PTPRK: variants seen among roughly 807,000 people sequenced by gnomAD.
PTPRK encodes the protein receptor-type tyrosine-protein phosphatase kappa.
In PTPRK, 75 loss-of-function variants were observed where a neutral mutation model predicts 178.0. The observed-to-expected ratio is 0.42, with a 90% CI of 0.35 to 0.51. PTPRK has a LOEUF of 0.51. Among genes scored for constraint, PTPRK ranks in the 20% least tolerant of loss-of-function variants. PTPRK has a pLI of 0.02. For missense variants in PTPRK, 1,441 were observed against 1,797.8 expected (o/e 0.80, Z 3.59); for synonymous variants, 637 against 620.6 (o/e 1.03, Z -0.39).
At chr6:127,976,853 G>C (rs748786714) in intron 26 of PTPRK, 70 bp downstream of exon 26, 2 of 1,609,590 alleles carry the variant, frequency 1.2e-6, no homozygotes, top group Non-Finnish European at 1.7e-6. Context: ...GTATAAAGCA[G>C]ATTTTAGCAA....
intron 1 of PTPRK, among the ~76,000 whole-genome samples, chr6:128,405,028 C>A (rs1428459075): frequency 6.6e-6 from 1 of 152,146 alleles, no homozygotes; most frequent in Non-Finnish European, 1.5e-5. Flanking sequence ...ATGCTGCATC[C>A]TATGAGAATA....
At chr6:128,076,256 T>G (rs1582877087) in intron 11 of PTPRK, among the ~76,000 whole-genome samples, 1 of 152,126 alleles carries the variant, frequency 6.6e-6, no homozygotes, top group East Asian at 1.9e-4. Flanking sequence ...ATTAAGGCAC[T>G]GGATCAGATA....
intron 3 of PTPRK, among the ~76,000 whole-genome samples, chr6:128,295,843 G>C (rs754888316): frequency 1.4e-4 from 21 of 152,042 alleles, no homozygotes; most frequent in Non-Finnish European, 1.6e-4. Flanking sequence ...ACACCATAAA[G>C]TCACATAGCA....
At position 128,105,917 on chromosome 6, in the gene PTPRK, G is replaced by C. The variant is rs143856374; in HGVS notation, c.1163-15925C>G. On this transcript the variant is annotated intron_variant, in intron 7 of 29. Transcript: ENST00000368226. ...CTTTTAATTTTACCACTCCGATTATGATAATAGCCTAGAACAAGTTTCACA... is the reference window on the plus strand; with the variant it reads ...CTTTTAATTTTACCACTCCGATTATCATAATAGCCTAGAACAAGTTTCACA... Among the ~76,000 whole-genome samples, 24 of 152,260 alleles carry C rather than the reference G, an allele frequency of 1.6e-4. No homozygotes were observed. In the East Asian group the frequency reaches 3.3e-3, roughly 21 times the overall value.
At chr6:128,185,806 A>T (rs1395050360) in intron 6 of PTPRK, among the ~76,000 whole-genome samples, 1 of 152,132 alleles carries the variant, frequency 6.6e-6, no homozygotes, top group Non-Finnish European at 1.5e-5. Flanking sequence ...TGAGCACATA[A>T]TCAATATCTT....
intron 7 of PTPRK, among the ~76,000 whole-genome samples, chr6:128,103,093 A>G (rs1487776036): frequency 6.6e-6 from 1 of 151,012 alleles, no homozygotes; most frequent in Non-Finnish European, 1.5e-5. Context: ...GCAGATGAGC[A>G]GAAGAACAGA....
intron 7 of PTPRK, among the ~76,000 whole-genome samples, chr6:128,153,098 T>G (rs1797504347): frequency 6.6e-6 from 1 of 151,996 alleles, no homozygotes; most frequent in Non-Finnish European, 1.5e-5. Context: ...TGCCTTCAAG[T>G]TGAACAAAAA....
intron 3 of PTPRK, among the ~76,000 whole-genome samples, chr6:128,279,648 T>C (rs1821362175): frequency 6.6e-6 from 1 of 152,170 alleles, no homozygotes; most frequent in South Asian, 2.1e-4. Flanking sequence ...TTTTGAAGCA[T>C]TATTTCAGAA....
chr6:128,363,507 A>G (rs1835054567), intron 2 of PTPRK, among the ~76,000 whole-genome samples: 1 of 152,192 alleles, frequency 6.6e-6, no homozygotes, highest in African/African-American at 2.4e-5. Context: ...TCAAAATCAA[A>G]GAGTTGGTCA....
At chr6:128,259,934 A>C (rs1817926662) in intron 3 of PTPRK, among the ~76,000 whole-genome samples, 1 of 152,200 alleles carries the variant, frequency 6.6e-6, no homozygotes, top group Non-Finnish European at 1.5e-5. Context: ...GCAAACGTAC[A>C]ACATGGACGT....
intron 3 of PTPRK, among the ~76,000 whole-genome samples, chr6:128,282,941 G>C (rs970687132): frequency 3.3e-5 from 5 of 152,106 alleles, no homozygotes; most frequent in African/African-American, 1.2e-4. Flanking sequence ...TGCAGAAAGA[G>C]ATTAGAGGGC....
chr6:128,393,775 T>C (rs1839932000), intron 2 of PTPRK, among the ~76,000 whole-genome samples: 1 of 152,212 alleles, frequency 6.6e-6, no homozygotes, highest in South Asian at 2.1e-4. Context: ...TTCTAATCCA[T>C]GACATTTTAT....
At chr6:128,468,982 T>A (rs1850257301) in intron 1 of PTPRK, among the ~76,000 whole-genome samples, 1 of 152,078 alleles carries the variant, frequency 6.6e-6, no homozygotes, top group Non-Finnish European at 1.5e-5. Context: ...TAAGTTTCTT[T>A]TCCACAGAAG....
At chr6:128,354,231 G>GTTTTTTTTTTTTTTTTATTTTTTTTTTT (rs1833618037) in intron 2 of PTPRK, among the ~76,000 whole-genome samples, 1 of 49,358 alleles carries the variant, frequency 2.0e-5, no homozygotes, top group Non-Finnish European at 3.2e-5. Context: ...TTTTGTTTAT[G>GTTTTTTTTTTTTTTTTATTTTTTTTTTT]TTTTTTTTTT....
intron 1 of PTPRK, among the ~76,000 whole-genome samples, chr6:128,488,077 C>G (rs1853227274): frequency 6.6e-6 from 1 of 152,160 alleles, no homozygotes; most frequent in African/African-American, 2.4e-5. Context: ...CCCAAAACCT[C>G]AAGAGTAGGG....
At chr6:128,445,201 TA>T in intron 1 of PTPRK, among the ~76,000 whole-genome samples, 1 of 111,804 alleles carries the variant, frequency 8.9e-6, no homozygotes, top group Non-Finnish European at 1.8e-5. Flanking sequence ...CTATTTTATT[TA>T]TATATATATA....
At chr6:128,097,771 T>C (rs2115045534) in intron 7 of PTPRK, among the ~76,000 whole-genome samples, 1 of 152,316 alleles carries the variant, frequency 6.6e-6, no homozygotes, top group East Asian at 1.9e-4. Flanking sequence ...ATATATTTTC[T>C]TAATTTATAG....
intron 3 of PTPRK, among the ~76,000 whole-genome samples, chr6:128,300,103 C>G (rs1584005282): frequency 6.6e-6 from 1 of 152,096 alleles, no homozygotes; most frequent in East Asian, 1.9e-4. Flanking sequence ...ATTTATGCAG[C>G]CAAAAACACG....
At chr6:128,113,188 T>C (rs1424874988) in intron 7 of PTPRK, among the ~76,000 whole-genome samples, 2 of 151,980 alleles carry the variant, frequency 1.3e-5, no homozygotes, top group African/African-American at 4.8e-5. Context: ...AGTATATTAG[T>C]TATACAAAGA....
Sources: allele counts gnomAD v4.1 joint callset (sites outside exome capture counted in the v4.1 genomes callset), GRCh38; gene constraint gnomAD v4.1.1; transcripts MANE v1.5; gene names NCBI Gene and HGNC (gene_info 2026-07-23, HGNC 2026-07-21).